The following COL21A1 variants were observed in gnomAD, a reference collection of about 807,000 sequenced individuals.
COL21A1 encodes collagen alpha-1(XXI) chain.
In COL21A1, 149 loss-of-function variants were observed where a neutral mutation model predicts 137.9. The ratio of observed to expected loss-of-function variants is 1.08; its 90% CI spans 0.95 to 1.24. COL21A1 has a LOEUF of 1.24. COL21A1 is among the 50% of genes most tolerant of loss of function. COL21A1 has a pLI of 0.00. For synonymous variants in COL21A1, 456 were observed against 391.5 expected, an observed-to-expected ratio of 1.16 and a Z score of -1.95; for missense variants, 1,167 against 1,158.4, an observed-to-expected ratio of 1.01 and a Z score of -0.11.
At chr6:56,137,334 T>C (rs1196779484) in intron 12 of COL21A1, among the ~76,000 whole-genome samples, 1 of 152,112 alleles carries the variant, frequency 6.6e-6, no homozygotes, top group Non-Finnish European at 1.5e-5. Context: ...GTAAAAACCG[T>C]GAAAGCACCC....
chr6:56,059,569 TATCA>T (rs1383060260), intron 28 of COL21A1, among the ~76,000 whole-genome samples: 7 of 152,102 alleles, frequency 4.6e-5, no homozygotes, highest in African/African-American at 1.4e-4. Context: ...AGGAAAGAAT[TATCA>T]ATCAACATTT....
chr6:56,075,259 T>C (rs907372688), intron 19 of COL21A1, among the ~76,000 whole-genome samples: 1 of 151,498 alleles, frequency 6.6e-6, no homozygotes, highest in African/African-American at 2.4e-5. Flanking sequence ...CTGATGTTTT[T>C]TTGGGTGGCC....
At chr6:56,132,053 C>T (rs1773596321) in intron 12 of COL21A1, among the ~76,000 whole-genome samples, 1 of 149,534 alleles carries the variant, frequency 6.7e-6, no homozygotes, top group Non-Finnish European at 1.5e-5. Context: ...AATGAATTCA[C>T]TTGGTGCTTT....
At chr6:56,124,454 A>G (rs373709005) in intron 14 of COL21A1, among the ~76,000 whole-genome samples, 162 bp from the exon 15 acceptor site, 14 of 152,222 alleles carry the variant, frequency 9.2e-5, no homozygotes, top group African/African-American at 3.4e-4. Flanking sequence ...TTACCAACCC[A>G]GTGGATGCAA....
chr6:56,134,032 G>A, intron 12 of COL21A1, among the ~76,000 whole-genome samples: 1 of 152,218 alleles, frequency 6.6e-6, no homozygotes, highest in East Asian at 1.9e-4. Flanking sequence ...CTGGGGTACT[G>A]CCTAGCAGAG....
At chr6:56,320,726 G>T (rs920814277) in intron 1 of COL21A1, among the ~76,000 whole-genome samples, 9 of 152,030 alleles carry the variant, frequency 5.9e-5, no homozygotes, top group African/African-American at 2.2e-4. Context: ...ACATCTTTCA[G>T]ATTTCTGTTC....
chr6:56,074,461 A>G (rs550561107), intron 19 of COL21A1, among the ~76,000 whole-genome samples, 176 bp from the exon 20 acceptor site: 3 of 151,740 alleles, frequency 2.0e-5, no homozygotes, highest in Non-Finnish European at 4.4e-5. Flanking sequence ...GGATAATAAA[A>G]GTAAAAAATC....
In COL21A1 at chr6:56,058,075, TAACATAGTAACCATGCTACTGATTAA is replaced by T. The variant is rs1765480540; in HGVS notation, c.2687-257_2687-232del. 2.7e-5 allele frequency among the ~76,000 whole-genome samples: 4 copies of T among 149,142 alleles called. No homozygotes were observed. In the Admixed American group the frequency reaches 2.7e-4, roughly 10 times the overall value. ...TTTTTGAAAACTAGGCTAAGCATAT[TAACATAGTAACCATGCTACTGATTAA>T]AACATTTAGCTAACATTATAATATT... On this transcript the variant is annotated intron_variant, in intron 29 of 29. Transcript: ENST00000244728.
intron 1 of COL21A1, among the ~76,000 whole-genome samples, chr6:56,351,175 T>C (rs1363517162): frequency 6.6e-6 from 1 of 152,260 alleles, no homozygotes; most frequent in Admixed American, 6.5e-5. Flanking sequence ...ACCCATGCTT[T>C]GTATGACTTT....
chr6:56,195,338 C>A (rs1025060702), intron 1 of COL21A1, among the ~76,000 whole-genome samples: 6 of 151,882 alleles, frequency 4.0e-5, no homozygotes, highest in African/African-American at 1.2e-4. Flanking sequence ...GTTCTTTTCC[C>A]AAAAGTAAAA....
Position 56,077,690 on chromosome 6 carries a change from ATAT to A in COL21A1, c.1813-120_1813-118del. Reference sequence around the variant, plus strand: ...AAATAACATATTTTCAAATGTATACATATTATAATATTGCTATTTGTAATAATC... The same window carrying A: ...AAATAACATATTTTCAAATGTATACATATAATATTGCTATTTGTAATAATC... On this transcript the variant is annotated intron_variant, in intron 17 of 29. Coordinates refer to ENST00000244728, the MANE Select transcript of COL21A1 (RefSeq NM_030820.4). 3 of 591,946 alleles carry A rather than the reference ATAT, an allele frequency of 5.1e-6. No homozygotes were observed. In the East Asian group the frequency reaches 8.8e-5, roughly 17 times the overall value. 36.7% of individuals were successfully genotyped at this position (591,946 alleles called of 1,614,324 possible).
chr6:56,118,144 G>GC (rs1554138705), intron 16 of COL21A1, among the ~76,000 whole-genome samples: 40 of 150,640 alleles, frequency 2.7e-4, no homozygotes, highest in Admixed American at 9.9e-4. Context: ...ACAAAAAGTT[G>GC]TTTTTTTTGA....
At chr6:56,201,601 G>C (rs952340411) in intron 1 of COL21A1, among the ~76,000 whole-genome samples, 1 of 152,072 alleles carries the variant, frequency 6.6e-6, no homozygotes, top group Non-Finnish European at 1.5e-5. Flanking sequence ...GTTTGTCAAA[G>C]ATCAGATAGT....
intron 1 of COL21A1, among the ~76,000 whole-genome samples, chr6:56,204,057 C>T (rs1208235728): frequency 6.6e-6 from 1 of 152,098 alleles, no homozygotes; most frequent in Non-Finnish European, 1.5e-5. Context: ...GGGCAGATAC[C>T]CCACTAGCTG....
At chr6:56,075,406 G>A (rs563808612) in intron 19 of COL21A1, 73 bp downstream of exon 19, 26 of 1,177,056 alleles carry the variant, frequency 2.2e-5, no homozygotes, top group Admixed American at 1.4e-4. Context: ...ATGAACTCTC[G>A]AATATGAACT....
chr6:56,136,032 A>C (rs568370249), intron 12 of COL21A1, among the ~76,000 whole-genome samples: 2 of 152,332 alleles, frequency 1.3e-5, no homozygotes, highest in East Asian at 1.9e-4. Flanking sequence ...ATGGGAAATC[A>C]TACTTACCTA....
intron 5 of COL21A1, among the ~76,000 whole-genome samples, chr6:56,169,723 C>T (rs1776878115): frequency 6.6e-6 from 1 of 151,850 alleles, no homozygotes; most frequent in Admixed American, 6.6e-5. Context: ...TGCAGATTTC[C>T]TCTTATTTTA....
rs188300707 is a variant in COL21A1 at position 56,079,695 on chromosome 6, G to T, written c.1813-2122C>A. On this transcript the variant is annotated intron_variant, in intron 17 of 29. Transcript: ENST00000244728. Reference sequence around the variant, plus strand: ...ATATATCTGCTATTAAGATTATTTGGGGGAGATTCCAGACTATAAAAAAAT... The same window carrying T: ...ATATATCTGCTATTAAGATTATTTGTGGGAGATTCCAGACTATAAAAAAAT... Among the ~76,000 whole-genome samples the T allele has an allele frequency of 3.6e-3, 550 of 151,556 alleles. 7 individuals are homozygous for T. The highest frequency in any genetic ancestry group is 0.013 in the African/African-American group (524 of 41,388).
chr6:56,130,211 A>ATATATATATAT (rs1561898497), intron 12 of COL21A1, among the ~76,000 whole-genome samples: 1 of 32,482 alleles, frequency 3.1e-5, no homozygotes, highest in Non-Finnish European at 7.5e-5. Context: ...ATATATATAT[A>ATATATATATAT]AAATTTCAAA....
Sources: gnomAD v4.1 joint callset for allele counts (sites outside exome capture counted in the v4.1 genomes callset) on GRCh38, gnomAD v4.1.1 for gene constraint, MANE v1.5 for transcripts, NCBI Gene and HGNC (gene_info 2026-07-23, HGNC 2026-07-21) for gene names.